Variants in MRPL3 observed in about 807,000 individuals in gnomAD.
The protein encoded by MRPL3 is mitochondrial ribosomal protein L3.
MRPL3 carries 43 observed loss-of-function variants against 44.3 expected under a neutral mutation model. The ratio of observed to expected loss-of-function variants is 0.97; its 90% CI spans 0.76 to 1.25. MRPL3 has a LOEUF of 1.25. Ranked by LOEUF, MRPL3 falls within the 50% of genes most tolerant of loss-of-function variation. The probability of loss-of-function intolerance (pLI) is 0.00; values close to 1 mark genes in which losing one functional copy is unlikely to be tolerated. For synonymous variants in MRPL3, 171 were observed against 152.3 expected (o/e 1.12, Z -0.91); for missense variants, 406 against 427.6 (o/e 0.95, Z 0.45).
intron 6 of MRPL3, among the ~76,000 whole-genome samples, chr3:131,473,645 A>C (rs540160618): frequency 6.6e-6 from 1 of 152,032 alleles, no homozygotes; most frequent in East Asian, 1.9e-4. Flanking sequence ...CTGACAAGAG[A>C]TATCTAAAAT....
chr3:131,465,891 C>CTT (rs55635822), intron 9 of MRPL3, among the ~76,000 whole-genome samples: 9,114 of 133,250 alleles, frequency 0.068, 356 homozygotes, highest in African/African-American at 0.097. Flanking sequence ...CTTTTTCTCT[C>CTT]TTTTTTTTTT....
intron 4 of MRPL3, among the ~76,000 whole-genome samples, chr3:131,495,710 TTAG>T (rs1177529807): frequency 6.6e-6 from 1 of 152,156 alleles, no homozygotes. Flanking sequence ...AGTAATACTA[TTAG>T]TATTACTTTC....
At chr3:131,463,974 G>C (rs1163417231) in intron 9 of MRPL3, among the ~76,000 whole-genome samples, 1 of 152,062 alleles carries the variant, frequency 6.6e-6, no homozygotes, top group Non-Finnish European at 1.5e-5. Context: ...GCTTAGTACA[G>C]AAAAACAGAT....
At position 131,498,516 on chromosome 3, in the gene MRPL3, C is replaced by A. The variant is rs149670218; in HGVS notation, c.370-239G>T. ...AGGAGATCGAGACCATCCTGGCTAA[C>A]ACGGTGAAACCCCATCTCTACTAAA... On this transcript the variant is annotated intron_variant, in intron 3 of 9. Transcript: ENST00000264995. 6.2e-3 allele frequency among the ~76,000 whole-genome samples: 947 copies of A among 151,600 alleles called. 12 individuals carry two copies. Among genetic ancestry groups the A allele is most frequent in the South Asian group, 0.03 (143 of 4,798 alleles).
chr3:131,483,008 GT>G (rs1934026677), intron 6 of MRPL3, among the ~76,000 whole-genome samples: 2 of 132,950 alleles, frequency 1.5e-5, no homozygotes, highest in African/African-American at 5.7e-5. Context: ...TTTTTTACAA[GT>G]TATAATAAGC....
chr3:131,478,353 C>G (rs1246060368), intron 6 of MRPL3, among the ~76,000 whole-genome samples: 1 of 152,116 alleles, frequency 6.6e-6, no homozygotes, highest in Admixed American at 6.5e-5. Flanking sequence ...TCTCTTCCTT[C>G]AAGTTATCCT....
chr3:131,469,632 A>G, intron 8 of MRPL3, 64 bp downstream of exon 8: 4 of 1,153,034 alleles, frequency 3.5e-6, no homozygotes, highest in Non-Finnish European at 5.1e-6. Flanking sequence ...TTAAATACAT[A>G]TTCTGCTGCC....
At chr3:131,499,650 T>G (rs1398055006) in intron 3 of MRPL3, among the ~76,000 whole-genome samples, 1 of 152,144 alleles carries the variant, frequency 6.6e-6, no homozygotes, top group Non-Finnish European at 1.5e-5. Flanking sequence ...GTATCATTAC[T>G]TGCCTAAGAC....
intron 4 of MRPL3, among the ~76,000 whole-genome samples, chr3:131,494,685 T>C (rs972613564): frequency 2.0e-5 from 3 of 152,218 alleles, no homozygotes; most frequent in African/African-American, 4.8e-5. Context: ...ATTTCACTAA[T>C]AGTAAATACT....
At chr3:131,469,826 C>A in intron 7 of MRPL3, 53 bp from the exon 8 acceptor site, 1 of 1,154,792 alleles carries the variant, frequency 8.7e-7, no homozygotes, top group South Asian at 1.3e-5. Flanking sequence ...TTTTAAACAG[C>A]ACTGATCAAA....
intron 3 of MRPL3, among the ~76,000 whole-genome samples, chr3:131,499,729 TATAATAATAATA>T (rs35694649): frequency 8.0e-5 from 12 of 150,616 alleles, no homozygotes; most frequent in East Asian, 5.8e-4. Flanking sequence ...AGTATCTTTC[TATAATAATAATA>T]ATAATAATAA....
rs753289915 is a variant in MRPL3, at chr3:131,501,566, T to C, written c.242A>G (p.Lys81Arg). 6.2e-7 allele frequency: 1 copy of C among 1,612,104 alleles called. No homozygotes were observed. Among genetic ancestry groups the C allele is most frequent in the South Asian group, 1.1e-5 (1 of 90,968 alleles). The change falls in exon 2 of 10, where the codon AAA becomes AGA. Residue 81 changes from lysine (K) to arginine (R), a missense_variant. Physicochemically the swap from Lys to Arg is conservative, Grantham distance 26. Coordinates refer to ENST00000264995, the MANE Select transcript of MRPL3 (RefSeq NM_007208.4). The part of the protein sequence containing the change: ...AQLASKLCPL[K>R]DEPWPIHPWE... ...AGGATGTATAGGCCATGGTTCATCTTTCAGAGGACACAGTTTACTTGCTAA... is the reference window on the plus strand; with the variant it reads ...AGGATGTATAGGCCATGGTTCATCTCTCAGAGGACACAGTTTACTTGCTAA...
chr3:131,474,744 C>G (rs1250572316), intron 6 of MRPL3, among the ~76,000 whole-genome samples: 23 of 150,816 alleles, frequency 1.5e-4, no homozygotes, highest in Non-Finnish European at 3.0e-5. Context: ...AAAAAATTCT[C>G]AGACTGTACT....
chr3:131,480,011 A>T (rs1303988139), intron 6 of MRPL3, among the ~76,000 whole-genome samples: 4 of 152,256 alleles, frequency 2.6e-5, no homozygotes, highest in African/African-American at 9.6e-5. Flanking sequence ...AAACAAACAA[A>T]AAATTCTAAT....
At chr3:131,467,731 A>G (rs1197641053) in intron 9 of MRPL3, among the ~76,000 whole-genome samples, 1 of 152,144 alleles carries the variant, frequency 6.6e-6, no homozygotes, top group East Asian at 1.9e-4. Context: ...CGAGCCAATT[A>G]AACCTCTTTT....
intron 8 of MRPL3, among the ~76,000 whole-genome samples, chr3:131,469,016 T>A (rs190873364): frequency 3.0e-3 from 450 of 152,228 alleles, no homozygotes; most frequent in Non-Finnish European, 3.7e-3. Flanking sequence ...AAACATTAGT[T>A]GTTTAACAGA....
intron 9 of MRPL3, among the ~76,000 whole-genome samples, chr3:131,466,168 G>T (rs1260870541): frequency 6.6e-6 from 1 of 151,382 alleles, no homozygotes; most frequent in Non-Finnish European, 1.5e-5. Flanking sequence ...TTCCTTGCAA[G>T]ATTTCAAAAA....
chr3:131,468,077 A>T lies in MRPL3; in HGVS notation c.894+14T>A. On this transcript the variant is annotated intron_variant, in intron 9 of 9. Coordinates refer to ENST00000264995, the MANE Select transcript of MRPL3 (RefSeq NM_007208.4). ...AAAAAAAAAAGGAAAAAAAAAGAAGACACTTATACTTACCTTTACTAAGCA... is the reference window on the plus strand; with the variant it reads ...AAAAAAAAAAGGAAAAAAAAAGAAGTCACTTATACTTACCTTTACTAAGCA... 1.5e-6 allele frequency: 2 copies of T among 1,375,390 alleles called. No homozygotes were observed. The highest frequency in any genetic ancestry group is 2.0e-6 in the Non-Finnish European group (2 of 1,020,172). The allele number at this position is 1,375,390 out of a possible 1,614,324, so 85.2% of individuals were successfully genotyped here. A position where few individuals can be genotyped will look rare whatever the true frequency, so the allele number is the denominator to read the frequency against.
chr3:131,483,578 G>A (rs1934044163), intron 6 of MRPL3, among the ~76,000 whole-genome samples: 1 of 152,074 alleles, frequency 6.6e-6, no homozygotes, highest in Non-Finnish European at 1.5e-5. Flanking sequence ...TTTATCTAGA[G>A]AATTATAACC....
Sources: gnomAD v4.1 joint callset for allele counts (sites outside exome capture counted in the v4.1 genomes callset) on GRCh38, gnomAD v4.1.1 for gene constraint, MANE v1.5 for transcripts, NCBI Gene and HGNC (gene_info 2026-07-23, HGNC 2026-07-21) for gene names.